The following OR1J2 variants were observed in gnomAD, a reference collection of about 807,000 sequenced individuals.
OR1J2 encodes olfactory receptor 1J2.
For missense variants in OR1J2, 304 were observed against 246.1 expected, an observed-to-expected ratio of 1.24 and a Z score of -1.57; for synonymous variants, 142 against 99.7, an observed-to-expected ratio of 1.42 and a Z score of -2.52.
the OR1J2 span, among the ~76,000 whole-genome samples, chr9:122,541,731 G>C: frequency 6.6e-6 from 1 of 152,176 alleles, no homozygotes; most frequent in African/African-American, 2.4e-5. Context: ...CTGACATTGA[G>C]GGGTTTCTTC....
chr9:122,464,112 C>T, the OR1J2 span, among the ~76,000 whole-genome samples: 2 of 152,164 alleles, frequency 1.3e-5, no homozygotes, highest in Admixed American at 6.5e-5. Context: ...GTGAGGCTTG[C>T]TGTGGCTGCT....
At chr9:122,452,743 T>C in the OR1J2 span, among the ~76,000 whole-genome samples, 1 of 151,852 alleles carries the variant, frequency 6.6e-6, no homozygotes, top group African/African-American at 2.4e-5. Context: ...AAAAATTGTA[T>C]GGTGGCTGGA....
chr9:122,560,322 G>A, the OR1J2 span, among the ~76,000 whole-genome samples: 41,465 of 151,844 alleles, frequency 0.27, 5,838 homozygotes, highest in Middle Eastern at 0.34. Flanking sequence ...CATTTAGCCC[G>A]TTTACATTTA....
chr9:122,475,394 C>T, the OR1J2 span, among the ~76,000 whole-genome samples: 1 of 152,200 alleles, frequency 6.6e-6, no homozygotes. Context: ...CTCTTTCTCT[C>T]ACAAAAGCAG....
chr9:122,495,727 A>G, the OR1J2 span, among the ~76,000 whole-genome samples: 1 of 151,984 alleles, frequency 6.6e-6, no homozygotes, highest in African/African-American at 2.4e-5. Flanking sequence ...ATTGCTGGTG[A>G]GCTGGTATGA....
the OR1J2 span, among the ~76,000 whole-genome samples, chr9:122,539,998 G>A: frequency 6.6e-6 from 1 of 152,094 alleles, no homozygotes; most frequent in Admixed American, 6.5e-5. Context: ...TGAGTTCATT[G>A]TAGATTCTGG....
At chr9:122,546,800 A>T in the OR1J2 span, among the ~76,000 whole-genome samples, 1 of 152,222 alleles carries the variant, frequency 6.6e-6, no homozygotes, top group Admixed American at 6.5e-5. Flanking sequence ...AATTTTGAAA[A>T]CAAAAATTAT....
downstream of OR1J2, among the ~76,000 whole-genome samples, chr9:122,514,225 A>G (rs185629419): frequency 3.2e-4 from 49 of 152,316 alleles, no homozygotes; most frequent in African/African-American, 1.1e-3. Context: ...GGTTTGGGCT[A>G]CAAATGATAT....
the OR1J2 span, chr9:122,553,713 C>T: frequency 2.4e-5 from 38 of 1,613,840 alleles, no homozygotes; most frequent in Non-Finnish European, 2.8e-5. Context: ...GTTGCTGACC[C>T]GCGTGGCTTT....
At chr9:122,531,133 A>G in the OR1J2 span, among the ~76,000 whole-genome samples, 3 of 152,140 alleles carry the variant, frequency 2.0e-5, no homozygotes, top group African/African-American at 7.2e-5. Context: ...TTCAAGCCGG[A>G]TTAGGGGTGA....
the OR1J2 span, chr9:122,568,090 G>T: frequency 9.3e-6 from 15 of 1,614,042 alleles, no homozygotes; most frequent in South Asian, 9.9e-5. Flanking sequence ...TAGTGGAAAG[G>T]GTCACAGACG....
At chr9:122,488,939 T>C in the OR1J2 span, among the ~76,000 whole-genome samples, 1 of 152,114 alleles carries the variant, frequency 6.6e-6, no homozygotes, top group Non-Finnish European at 1.5e-5. Flanking sequence ...CATGTCATGG[T>C]GGTTTGCTGC....
downstream of OR1J2, among the ~76,000 whole-genome samples, chr9:122,512,731 T>G (rs111523912): frequency 0.02 from 2,991 of 152,322 alleles, 108 homozygotes; most frequent in African/African-American, 0.069. Context: ...ATATATGTAA[T>G]GAAAATGAAG....
chr9:122,493,434 G>T, the OR1J2 span, among the ~76,000 whole-genome samples: 18 of 152,172 alleles, frequency 1.2e-4, no homozygotes, highest in East Asian at 3.1e-3. Flanking sequence ...AACCTAGGAG[G>T]GTTGTATATT....
At chr9:122,469,031 C>T in the OR1J2 span, among the ~76,000 whole-genome samples, 1 of 152,132 alleles carries the variant, frequency 6.6e-6, no homozygotes, top group Non-Finnish European at 1.5e-5. Context: ...ATGAGTCTGG[C>T]AAGTATTGTG....
chr9:122,571,693 C>T, the OR1J2 span, among the ~76,000 whole-genome samples: 14 of 147,958 alleles, frequency 9.5e-5, no homozygotes, highest in East Asian at 2.0e-4. Flanking sequence ...TCCAGCCTGG[C>T]GACAGAGCGA....
chr9:122,514,832 C>G (rs1234890388), downstream of OR1J2, among the ~76,000 whole-genome samples: 2 of 152,202 alleles, frequency 1.3e-5, no homozygotes, highest in African/African-American at 2.4e-5. Context: ...GGGCCTGACA[C>G]TCTTCCTAAG....
the OR1J2 span, chr9:122,527,206 G>A: frequency 4.3e-6 from 7 of 1,613,932 alleles, no homozygotes; most frequent in East Asian, 1.3e-4. Context: ...TACATACACA[G>A]GAAAATTCCG....
chr9:122,499,608 C>T, the OR1J2 span, among the ~76,000 whole-genome samples: 2 of 152,144 alleles, frequency 1.3e-5, no homozygotes, highest in African/African-American at 2.4e-5. Flanking sequence ...AGTGGGGTCT[C>T]CCTGCACCAG....
Sources: allele counts gnomAD v4.1 joint callset (sites outside exome capture counted in the v4.1 genomes callset), GRCh38; gene constraint gnomAD v4.1.1; transcripts MANE v1.5; gene names NCBI Gene and HGNC (gene_info 2026-07-23, HGNC 2026-07-21).